Variants in TRAPPC12 observed in about 807,000 individuals in gnomAD.
The protein encoded by TRAPPC12 is trafficking protein particle complex subunit 12, also known as TPR repeat protein 15.
In TRAPPC12, 61 loss-of-function variants were observed where a neutral mutation model predicts 69.2. The ratio of observed to expected loss-of-function variants is 0.88; its 90% CI spans 0.72 to 1.09. The LOEUF (loss-of-function observed/expected upper bound fraction) is 1.09, where lower values mean the gene tolerates loss of function less well. Among genes scored for constraint, TRAPPC12 ranks in the 50% least tolerant of loss-of-function variants. The pLI is 0.00. For missense variants in TRAPPC12, 1,101 were observed against 1,016.4 expected (o/e 1.08, Z -1.13); for synonymous variants, 469 against 438.9 (o/e 1.07, Z -0.86).
chr2:3,436,106 G>A (rs1252718996), intron 5 of TRAPPC12, among the ~76,000 whole-genome samples: 1 of 152,238 alleles, frequency 6.6e-6, no homozygotes, highest in Non-Finnish European at 1.5e-5. Flanking sequence ...GGCAGGGCCT[G>A]AGACTCTGAA....
At chr2:3,461,235 C>T (rs866978633) in intron 8 of TRAPPC12, among the ~76,000 whole-genome samples, 7 of 152,210 alleles carry the variant, frequency 4.6e-5, no homozygotes, top group South Asian at 2.1e-4. Context: ...CCTGCAGCAT[C>T]CCCAGAGGTG....
chr2:3,406,808 C>A (rs1168358674), intron 3 of TRAPPC12, among the ~76,000 whole-genome samples: 1 of 152,182 alleles, frequency 6.6e-6, no homozygotes, highest in East Asian at 1.9e-4. Flanking sequence ...CAAAGCCATG[C>A]ATGTTAATTA....
At chr2:3,391,368 A>ATTGCTATTGAATTGATAGATGG (rs1660817142) in intron 2 of TRAPPC12, among the ~76,000 whole-genome samples, 1 of 152,188 alleles carries the variant, frequency 6.6e-6, no homozygotes, top group African/African-American at 2.4e-5. Flanking sequence ...GACTGTGACT[A>ATTGCTATTGAATTGATAGATGG]TTGCTATTGA....
At chr2:3,478,182 T>C in intron 10 of TRAPPC12, 1 of 157,968 alleles carries the variant, frequency 6.3e-6, no homozygotes, top group East Asian at 1.8e-4. Flanking sequence ...TGGTGTTCTG[T>C]GGTAGAACGC....
chr2:3,446,790 C>G (rs1172366480), intron 6 of TRAPPC12, among the ~76,000 whole-genome samples: 4 of 152,216 alleles, frequency 2.6e-5, no homozygotes, highest in African/African-American at 9.6e-5. Context: ...ACTGGCAGTT[C>G]GGGACTCAAC....
chr2:3,393,112 T>A (rs911378579), intron 2 of TRAPPC12, among the ~76,000 whole-genome samples: 13 of 147,686 alleles, frequency 8.8e-5, no homozygotes, highest in African/African-American at 1.5e-4. Context: ...CTGTCTCTTT[T>A]TAAAAAAAAA....
intron 3 of TRAPPC12, among the ~76,000 whole-genome samples, chr2:3,412,817 G>A (rs908639353): frequency 1.3e-5 from 2 of 152,104 alleles, no homozygotes; most frequent in African/African-American, 4.8e-5. Context: ...TTTTAGACCT[G>A]GTCAGCACAC....
intron 2 of TRAPPC12, among the ~76,000 whole-genome samples, chr2:3,400,758 C>G (rs1030050014): frequency 1.1e-4 from 16 of 152,172 alleles, no homozygotes; most frequent in Non-Finnish European, 2.1e-4. Flanking sequence ...AGTTTGTCCC[C>G]ATACAACAGA....
At chr2:3,464,990 C>G (rs2103151949) in intron 8 of TRAPPC12, among the ~76,000 whole-genome samples, 1 of 152,368 alleles carries the variant, frequency 6.6e-6, no homozygotes, top group Admixed American at 6.5e-5. Flanking sequence ...AGCGCTCCTA[C>G]ATGTTCCCCC....
At chr2:3,434,218 C>T (rs901977480) in intron 5 of TRAPPC12, among the ~76,000 whole-genome samples, 23 of 152,220 alleles carry the variant, frequency 1.5e-4, no homozygotes, top group Admixed American at 1.1e-3. Flanking sequence ...GGCCCTCCTG[C>T]GCAGCGCTAG....
chr2:3,390,662 A>G (rs886732063), intron 2 of TRAPPC12, among the ~76,000 whole-genome samples: 6 of 152,234 alleles, frequency 3.9e-5, no homozygotes, highest in African/African-American at 1.4e-4. Flanking sequence ...AATGCTGGGT[A>G]CATGTTGTTA....
intron 7 of TRAPPC12, chr2:3,458,254 G>A (rs986771461): frequency 2.0e-6 from 2 of 987,294 alleles, no homozygotes; most frequent in Non-Finnish European, 2.4e-6. Context: ...CTCGGGGAGT[G>A]CGTTAGCCAG....
intron 6 of TRAPPC12, among the ~76,000 whole-genome samples, chr2:3,447,292 T>G (rs560634926): frequency 6.6e-6 from 1 of 152,304 alleles, no homozygotes; most frequent in East Asian, 1.9e-4. Context: ...GAGACAGGGC[T>G]TCACCATGGT....
chr2:3,465,963 T>C (rs1665788812), intron 9 of TRAPPC12, among the ~76,000 whole-genome samples: 2 of 152,336 alleles, frequency 1.3e-5, no homozygotes, highest in Admixed American at 6.5e-5. Flanking sequence ...CTCTAGACAT[T>C]GTCCTGCTGC....
At chr2:3,420,648 T>C (rs1311748212) in intron 3 of TRAPPC12, among the ~76,000 whole-genome samples, 1 of 152,136 alleles carries the variant, frequency 6.6e-6, no homozygotes, top group Non-Finnish European at 1.5e-5. Context: ...GTGGCTGGAA[T>C]TGGAGCAGGT....
At chr2:3,431,508 C>T (rs1249915784) in intron 5 of TRAPPC12, among the ~76,000 whole-genome samples, 3 of 152,196 alleles carry the variant, frequency 2.0e-5, no homozygotes, top group Admixed American at 1.3e-4. Flanking sequence ...CTTTAAAATA[C>T]CTTTCCAAAA....
intron 5 of TRAPPC12, among the ~76,000 whole-genome samples, chr2:3,428,518 G>T (rs116068742): frequency 1.3e-5 from 2 of 152,112 alleles, no homozygotes; most frequent in East Asian, 3.8e-4. Context: ...AATATTGGGC[G>T]TAATTTTTGC....
At chr2:3,454,156 C>T (rs1465813126) in intron 6 of TRAPPC12, among the ~76,000 whole-genome samples, 5 of 152,240 alleles carry the variant, frequency 3.3e-5, no homozygotes, top group South Asian at 2.1e-4. Context: ...AGGCACTTGG[C>T]GTCGTTTTGT....
chr2:3,443,010 A>G (rs1190440030), intron 5 of TRAPPC12, among the ~76,000 whole-genome samples: 1 of 152,252 alleles, frequency 6.6e-6, no homozygotes, highest in Non-Finnish European at 1.5e-5. Flanking sequence ...TATACATACT[A>G]CAGATCAAAT....
Sources: allele counts gnomAD v4.1 joint callset (sites outside exome capture counted in the v4.1 genomes callset), GRCh38; gene constraint gnomAD v4.1.1; transcripts MANE v1.5; gene names NCBI Gene and HGNC (gene_info 2026-07-23, HGNC 2026-07-21).